The following ACBD6 variants were observed in gnomAD, a reference collection of about 807,000 sequenced individuals.
The protein encoded by ACBD6 is acyl-CoA binding domain containing 6, also known as acyl-CoA-binding domain-containing protein 6.
ACBD6 carries 28 observed loss-of-function variants against 37.2 expected under a neutral mutation model. The ratio of observed to expected loss-of-function variants is 0.75; its 90% CI spans 0.56 to 1.03. The LOEUF is 1.03. Among genes scored for constraint, ACBD6 ranks in the 50% least tolerant of loss-of-function variants. The pLI is 0.00. For synonymous variants in ACBD6, 113 were observed against 126.8 expected (o/e 0.89, Z 0.73); for missense variants, 340 against 337.4 (o/e 1.01, Z -0.06).
At chr1:180,314,385 C>T (rs916816895) in intron 7 of ACBD6, among the ~76,000 whole-genome samples, 4 of 152,112 alleles carry the variant, frequency 2.6e-5, no homozygotes, top group Non-Finnish European at 1.5e-5. Context: ...GCTGGGATTA[C>T]AGGTGCCCGC....
At chr1:180,403,457 A>G (rs1373839171) in intron 5 of ACBD6, among the ~76,000 whole-genome samples, 2 of 152,238 alleles carry the variant, frequency 1.3e-5, no homozygotes, top group Non-Finnish European at 2.9e-5. Flanking sequence ...AAAAATAAAA[A>G]AGATTTGATG....
intron 6 of ACBD6, among the ~76,000 whole-genome samples, chr1:180,347,299 T>C (rs1335917190): frequency 6.6e-6 from 1 of 151,018 alleles, no homozygotes; most frequent in Non-Finnish European, 1.5e-5. Context: ...CTACACATTT[T>C]AGAAGTAGGA....
chr1:180,432,633 A>G (rs1214725738), intron 3 of ACBD6, among the ~76,000 whole-genome samples: 1 of 152,174 alleles, frequency 6.6e-6, no homozygotes, highest in African/African-American at 2.4e-5. Context: ...CCCATAAAAT[A>G]GGATATTATT....
intron 5 of ACBD6, 22 bp downstream of exon 5, chr1:180,413,344 T>G: frequency 3.2e-6 from 5 of 1,586,384 alleles, no homozygotes; most frequent in Non-Finnish European, 4.3e-6. Context: ...GGAAAATAAT[T>G]AACAGGGCAT....
intron 3 of ACBD6, among the ~76,000 whole-genome samples, chr1:180,472,531 C>T (rs1300895457): frequency 3.3e-5 from 5 of 151,782 alleles, no homozygotes; most frequent in African/African-American, 7.3e-5. Flanking sequence ...TGTGTGTGTG[C>T]GGGGGTGCGG....
chr1:180,473,291 C>CA (rs1243963256), intron 3 of ACBD6, among the ~76,000 whole-genome samples: 1 of 151,434 alleles, frequency 6.6e-6, no homozygotes, highest in Non-Finnish European at 1.5e-5. Context: ...ACTAAAAATA[C>CA]AAAAAATTAG....
chr1:180,370,938 A>C (rs1653238916), intron 6 of ACBD6, among the ~76,000 whole-genome samples: 1 of 152,256 alleles, frequency 6.6e-6, no homozygotes, highest in African/African-American at 2.4e-5. Flanking sequence ...AACTGTTTAA[A>C]AAGAAAACAT....
chr1:180,381,604 G>A (rs1352237436), intron 6 of ACBD6, among the ~76,000 whole-genome samples: 1 of 151,992 alleles, frequency 6.6e-6, no homozygotes, highest in Non-Finnish European at 1.5e-5. Flanking sequence ...TAGACAACAT[G>A]CTCCTGAATC....
At chr1:180,354,815 T>C (rs1481906847) in intron 6 of ACBD6, among the ~76,000 whole-genome samples, 2 of 152,184 alleles carry the variant, frequency 1.3e-5, no homozygotes. Context: ...TGTATGACTG[T>C]GCAACTAAGA....
intron 3 of ACBD6, among the ~76,000 whole-genome samples, chr1:180,473,850 T>C (rs1015930945): frequency 2.6e-4 from 39 of 152,206 alleles, no homozygotes; most frequent in African/African-American, 9.1e-4. Context: ...AACATACAAA[T>C]GAAACCATCA....
intron 3 of ACBD6, chr1:180,435,788 T>C: frequency 2.2e-6 from 2 of 901,556 alleles, no homozygotes; most frequent in Non-Finnish European, 3.8e-6. Flanking sequence ...TGACAGCTGC[T>C]TCTCGGCTAA....
intron 7 of ACBD6, among the ~76,000 whole-genome samples, chr1:180,300,414 G>A (rs1440287394): frequency 6.6e-6 from 1 of 152,076 alleles, no homozygotes; most frequent in Non-Finnish European, 1.5e-5. Context: ...TTACATGCAA[G>A]ACTGTTTTGA....
At chr1:180,468,598 T>A (rs1442298474) in intron 3 of ACBD6, among the ~76,000 whole-genome samples, 3 of 152,216 alleles carry the variant, frequency 2.0e-5, no homozygotes, top group Admixed American at 2.0e-4. Flanking sequence ...TCTTTCTCTG[T>A]TTATTGGCAT....
At chr1:180,433,592 G>A (rs1648896310) in intron 3 of ACBD6, among the ~76,000 whole-genome samples, 1 of 148,412 alleles carries the variant, frequency 6.7e-6, no homozygotes, top group South Asian at 2.1e-4. Flanking sequence ...GTGTGTGTGT[G>A]TGTGTGTGTG....
At chr1:180,293,802 CA>C (rs1412234721) in intron 7 of ACBD6, among the ~76,000 whole-genome samples, 2 of 152,124 alleles carry the variant, frequency 1.3e-5, no homozygotes, top group Non-Finnish European at 2.9e-5. Flanking sequence ...TGGCTATTCA[CA>C]AGCATGATCA....
chr1:180,349,506 C>G (rs994785960), intron 6 of ACBD6, among the ~76,000 whole-genome samples: 10 of 151,864 alleles, frequency 6.6e-5, no homozygotes. Flanking sequence ...CCGCCTGCCT[C>G]GGCCTCCCAA....
intron 7 of ACBD6, among the ~76,000 whole-genome samples, chr1:180,291,735 C>T (rs541178129): frequency 6.6e-6 from 1 of 151,314 alleles, no homozygotes; most frequent in South Asian, 2.1e-4. Flanking sequence ...ATAGTTTGTG[C>T]TTGTGTTCCA....
chr1:180,423,284 G>A (rs573741625), intron 4 of ACBD6, among the ~76,000 whole-genome samples: 16 of 152,186 alleles, frequency 1.1e-4, no homozygotes, highest in African/African-American at 3.6e-4. Flanking sequence ...TGTTTTTTGA[G>A]CAGAAATTAT....
intron 3 of ACBD6, among the ~76,000 whole-genome samples, chr1:180,449,085 T>C (rs1400288406): frequency 6.6e-6 from 1 of 152,192 alleles, no homozygotes; most frequent in African/African-American, 2.4e-5. Context: ...AAAGTTGGTA[T>C]GTTTCCATTC....
Sources: gnomAD v4.1 joint callset for allele counts (sites outside exome capture counted in the v4.1 genomes callset) on GRCh38, gnomAD v4.1.1 for gene constraint, MANE v1.5 for transcripts, NCBI Gene and HGNC (gene_info 2026-07-23, HGNC 2026-07-21) for gene names.